PAK5: variants seen among roughly 807,000 people sequenced by gnomAD.
The protein encoded by PAK5 is serine/threonine-protein kinase PAK 5.
PAK5 carries 16 observed loss-of-function variants against 65.9 expected under a neutral mutation model. That is an observed-to-expected ratio of 0.24 (90% CI 0.16 to 0.37). The LOEUF is 0.37. Among genes scored for constraint, PAK5 ranks in the 10% least tolerant of loss-of-function variants. The pLI, the probability that PAK5 is intolerant of heterozygous loss-of-function variation, is 1.00. For missense variants in PAK5, 785 were observed against 903.9 expected, an observed-to-expected ratio of 0.87 and a Z score of 1.69; for synonymous variants, 371 against 354.9, an observed-to-expected ratio of 1.05 and a Z score of -0.51.
At chr20:9,633,878 A>T (rs1010483865) in intron 3 of PAK5, among the ~76,000 whole-genome samples, 43 of 152,224 alleles carry the variant, frequency 2.8e-4, no homozygotes, top group African/African-American at 1.0e-3. Flanking sequence ...TAACTTTTCA[A>T]TATAACCTAT....
chr20:9,826,956 G>A (rs6056910), intron 1 of PAK5, among the ~76,000 whole-genome samples: 88,578 of 151,868 alleles, frequency 0.58, 26,319 homozygotes, highest in African/African-American at 0.67. Context: ...TTGTGGGGAG[G>A]CCGGCTCTCA....
chr20:9,750,207 A>G (rs1487834472), intron 1 of PAK5, among the ~76,000 whole-genome samples: 35 of 152,060 alleles, frequency 2.3e-4, no homozygotes, highest in Non-Finnish European at 1.5e-5. Context: ...GACACCTCCT[A>G]ACACGTACAA....
At chr20:9,614,541 G>GA (rs2046620724) in intron 3 of PAK5, among the ~76,000 whole-genome samples, 1 of 152,024 alleles carries the variant, frequency 6.6e-6, no homozygotes, top group Non-Finnish European at 1.5e-5. Flanking sequence ...TCAAACTACA[G>GA]AAAAATCAGA....
intron 1 of PAK5, among the ~76,000 whole-genome samples, chr20:9,786,127 AG>A (rs2048990338): frequency 1.3e-5 from 2 of 152,256 alleles, no homozygotes; most frequent in Admixed American, 1.3e-4. Flanking sequence ...GACAGCAAAA[AG>A]CAAAAGATGA....
chr20:9,640,203 C>T (rs1000589758), intron 3 of PAK5, among the ~76,000 whole-genome samples: 34 of 117,006 alleles, frequency 2.9e-4, no homozygotes, highest in Non-Finnish European at 5.0e-4. Flanking sequence ...CTATCCCTCC[C>T]CCCTCCCCCC....
chr20:9,807,107 G>A (rs1050650448), intron 1 of PAK5, among the ~76,000 whole-genome samples: 3 of 152,014 alleles, frequency 2.0e-5, no homozygotes, highest in Non-Finnish European at 4.4e-5. Context: ...TGATCATGTT[G>A]GGCCTACTCA....
intron 6 of PAK5, among the ~76,000 whole-genome samples, chr20:9,560,808 C>G (rs1296101190): frequency 3.9e-5 from 6 of 152,178 alleles, no homozygotes; most frequent in African/African-American, 1.4e-4. Context: ...TTCTATAACC[C>G]TCTGTTTCCT....
intron 1 of PAK5, among the ~76,000 whole-genome samples, chr20:9,740,190 G>C (rs1198109112): frequency 1.3e-5 from 2 of 152,162 alleles, no homozygotes; most frequent in Admixed American, 1.3e-4. Flanking sequence ...CCTTGGCAGG[G>C]ATTAGTTGAC....
intron 1 of PAK5, among the ~76,000 whole-genome samples, chr20:9,814,456 C>T (rs1740713605): frequency 6.6e-6 from 1 of 151,742 alleles, no homozygotes; most frequent in Non-Finnish European, 1.5e-5. Flanking sequence ...TTTAATTGAC[C>T]AAGACACCAA....
chr20:9,669,042 G>C (rs1252559842), intron 2 of PAK5, among the ~76,000 whole-genome samples: 2 of 152,142 alleles, frequency 1.3e-5, no homozygotes, highest in Non-Finnish European at 2.9e-5. Context: ...GCTGATTGTA[G>C]AATCAGTGGA....
chr20:9,746,420 A>G (rs2048508753), intron 1 of PAK5, among the ~76,000 whole-genome samples: 1 of 151,946 alleles, frequency 6.6e-6, no homozygotes, highest in African/African-American at 2.4e-5. Flanking sequence ...TATTCTTCAA[A>G]TTGACATATG....
intron 2 of PAK5, among the ~76,000 whole-genome samples, chr20:9,661,397 C>T (rs1270905167): frequency 2.6e-5 from 4 of 152,138 alleles, no homozygotes; most frequent in Non-Finnish European, 5.9e-5. Context: ...CCAGACCCAC[C>T]AAGGTGAACA....
intron 1 of PAK5, among the ~76,000 whole-genome samples, chr20:9,757,331 T>C (rs2048646688): frequency 6.6e-6 from 1 of 152,202 alleles, no homozygotes; most frequent in Admixed American, 6.5e-5. Flanking sequence ...AGTGTAGTGA[T>C]AGCCTTATGA....
intron 1 of PAK5, among the ~76,000 whole-genome samples, chr20:9,745,996 A>G (rs2048503620): frequency 6.6e-6 from 1 of 152,210 alleles, no homozygotes; most frequent in Non-Finnish European, 1.5e-5. Context: ...ATCAAAGAGA[A>G]GAAAGTTTTA....
At chr20:9,638,558 C>T (rs1045700137) in intron 3 of PAK5, among the ~76,000 whole-genome samples, 3 of 152,200 alleles carry the variant, frequency 2.0e-5, no homozygotes, top group African/African-American at 7.2e-5. Flanking sequence ...GCATCAGTAC[C>T]ACCTGGAAAC....
intron 2 of PAK5, among the ~76,000 whole-genome samples, chr20:9,666,387 G>GAAA (rs200148322): frequency 8.8e-6 from 1 of 113,810 alleles, no homozygotes; most frequent in Non-Finnish European, 1.9e-5. Flanking sequence ...TGAGAACTTG[G>GAAA]AAAAAAAAAA....
intron 1 of PAK5, among the ~76,000 whole-genome samples, chr20:9,794,203 C>A (rs576910612): frequency 7.2e-5 from 11 of 151,916 alleles, no homozygotes; most frequent in African/African-American, 2.4e-4. Flanking sequence ...GGAGGGAGAG[C>A]ATTAGAACAG....
Position 9,765,433 on chromosome 20 carries a change from C to T in PAK5, c.-161-53998G>A, listed in dbSNP as rs550650199. On this transcript the variant is annotated intron_variant, in intron 1 of 9. Transcript: ENST00000353224. ...TATGGAACAACATTTCCTATCCCTC[C>T]CTAGCCTCCATTTTTTTTTTCTGGC... Among the ~76,000 whole-genome samples the T allele has an allele frequency of 7.8e-4, 119 of 152,212 alleles. 1 individual carries two copies. Among genetic ancestry groups the T allele is most frequent in the Non-Finnish European group, 2.9e-4 (20 of 67,998 alleles).
intron 1 of PAK5, among the ~76,000 whole-genome samples, chr20:9,766,475 G>GTATATATATATTCAAGCAGAATATATA (rs1295908179): frequency 1.7e-4 from 6 of 35,334 alleles, no homozygotes; most frequent in South Asian, 1.5e-3. Flanking sequence ...GAATATATAT[G>GTATATATATATTCAAGCAGAATATATA]TATATATATA....
Sources: allele counts gnomAD v4.1 joint callset (sites outside exome capture counted in the v4.1 genomes callset), GRCh38; gene constraint gnomAD v4.1.1; transcripts MANE v1.5; gene names NCBI Gene and HGNC (gene_info 2026-07-23, HGNC 2026-07-21).